Variants in TAX1BP1 observed in about 807,000 individuals in gnomAD.
TAX1BP1 encodes the protein Tax1 binding protein 1.
TAX1BP1 carries 62 observed loss-of-function variants against 97.7 expected under a neutral mutation model. The observed-to-expected ratio is 0.63, with a 90% confidence interval of 0.52 to 0.78. The LOEUF (loss-of-function observed/expected upper bound fraction) is 0.78, where lower values mean the gene tolerates loss of function less well. Ranked by LOEUF, TAX1BP1 falls within the 30% of genes least tolerant of loss-of-function variation. The probability of loss-of-function intolerance (pLI) is 0.00; values close to 1 mark genes in which losing one functional copy is unlikely to be tolerated. For missense variants in TAX1BP1, 867 were observed against 916.1 expected (o/e 0.95, Z 0.69); for synonymous variants, 340 against 304.2 (o/e 1.12, Z -1.23).
chr7:27,813,832 G>A (rs1583404159), intron 13 of TAX1BP1, among the ~76,000 whole-genome samples: 2 of 152,196 alleles, frequency 1.3e-5, no homozygotes, highest in African/African-American at 4.8e-5. Context: ...CATCCCATTA[G>A]TAACTACTTA....
At chr7:27,808,350 G>A (rs765256228) in intron 13 of TAX1BP1, among the ~76,000 whole-genome samples, 2 of 152,070 alleles carry the variant, frequency 1.3e-5, no homozygotes, top group Non-Finnish European at 2.9e-5. Context: ...TTTCTAATTA[G>A]ACTAGGAACC....
intron 1 of TAX1BP1, 31 bp from the exon 2 acceptor site, chr7:27,748,487 T>C (rs1787909078): frequency 1.4e-6 from 2 of 1,474,244 alleles, no homozygotes; most frequent in East Asian, 4.8e-5. Context: ...TTAGTTGGTA[T>C]AATTTAACTT....
At chr7:27,802,057 C>A (rs932463637) in intron 13 of TAX1BP1, among the ~76,000 whole-genome samples, 6 of 152,132 alleles carry the variant, frequency 3.9e-5, no homozygotes, top group African/African-American at 1.4e-4. Context: ...GTTTGGAGTT[C>A]AGAAGTGGAG....
At chr7:27,747,171 G>A (rs560462016) in intron 1 of TAX1BP1, among the ~76,000 whole-genome samples, 114 of 152,300 alleles carry the variant, frequency 7.5e-4, no homozygotes, top group African/African-American at 2.6e-3. Flanking sequence ...TCAAGCAAGT[G>A]CAGTCAGGAC....
At chr7:27,766,583 C>T (rs1427621211) in intron 4 of TAX1BP1, among the ~76,000 whole-genome samples, 2 of 152,000 alleles carry the variant, frequency 1.3e-5, no homozygotes, top group Admixed American at 6.5e-5. Flanking sequence ...TTCCCTAGGG[C>T]CTATCCTTAT....
In TAX1BP1 at chr7:27,785,552, G is replaced by T; in HGVS notation, c.852+63G>T. On this transcript the variant is annotated intron_variant, in intron 7 of 16. Transcript: ENST00000396319. ...CAAAAGAAATGACCCCAGAACTTAG[G>T]GGCTGTAGGTCAGCAATTTAGGAGC... 4 of 1,385,974 alleles carry T rather than the reference G, an allele frequency of 2.9e-6. No homozygotes were observed. In the South Asian group the frequency reaches 5.1e-5, roughly 18 times the overall value. The allele number at this position is 1,385,974 out of a possible 1,614,324, so 85.9% of individuals were successfully genotyped here. A position where few individuals can be genotyped will look rare whatever the true frequency, so the allele number is the denominator to read the frequency against.
At chr7:27,773,116 G>A (rs1389591203) in intron 5 of TAX1BP1, among the ~76,000 whole-genome samples, 2 of 152,126 alleles carry the variant, frequency 1.3e-5, no homozygotes, top group East Asian at 1.9e-4. Context: ...AAGCAGTATC[G>A]TCTGCATTTT....
At chr7:27,818,938 C>T (rs1334708798) in intron 15 of TAX1BP1, among the ~76,000 whole-genome samples, 2 of 152,084 alleles carry the variant, frequency 1.3e-5, no homozygotes, top group Non-Finnish European at 2.9e-5. Flanking sequence ...GTGGTCTTAG[C>T]CACCTGTCAA....
At chr7:27,817,326 A>G (rs1790812610) in intron 15 of TAX1BP1, among the ~76,000 whole-genome samples, 1 of 152,240 alleles carries the variant, frequency 6.6e-6, no homozygotes, top group Admixed American at 6.5e-5. Context: ...TAGTTATCAG[A>G]TAGTTTAATC....
chr7:27,792,127 C>T lies in TAX1BP1; in HGVS notation c.1160C>T (p.Thr387Met), dbSNP rs201012389. 53 of 1,613,976 alleles carry T rather than the reference C, an allele frequency of 3.3e-5. No individual in the cohort carries two copies. The highest frequency in any genetic ancestry group is 1.0e-4 in the Admixed American group (6 of 60,020). ...LSDAVNVRDR[T>M]MADLHTARLE... ...GATGCTGTCAACGTACGAGACAGAA[C>T]GATGGCAGACCTGCATACTGCACGC... Residue 387 changes from threonine (T) to methionine (M), a missense_variant, in exon 9 of 17, where the codon ACG (threonine) becomes ATG (methionine). Coordinates refer to ENST00000396319, the MANE Select transcript of TAX1BP1 (RefSeq NM_006024.7).
intron 12 of TAX1BP1, among the ~76,000 whole-genome samples, chr7:27,797,353 G>A (rs1464125900): frequency 6.6e-6 from 1 of 152,016 alleles, no homozygotes; most frequent in African/African-American, 2.4e-5. Context: ...AGCCTTCTTG[G>A]TGTAGTATTC....
At chr7:27,795,625 T>G (rs1363151620) in intron 11 of TAX1BP1, among the ~76,000 whole-genome samples, 1 of 152,180 alleles carries the variant, frequency 6.6e-6, no homozygotes, top group East Asian at 1.9e-4. Context: ...TGATCTCAGC[T>G]CCCTGCAGCC....
chr7:27,789,842 C>G (rs1293567970), intron 8 of TAX1BP1, among the ~76,000 whole-genome samples: 1 of 151,896 alleles, frequency 6.6e-6, no homozygotes, highest in Non-Finnish European at 1.5e-5. Context: ...AACAGATTGC[C>G]AGTGCAAACA....
intron 13 of TAX1BP1, among the ~76,000 whole-genome samples, chr7:27,810,323 T>C (rs1442490880): frequency 6.6e-6 from 1 of 152,130 alleles, no homozygotes; most frequent in East Asian, 1.9e-4. Context: ...TTTTCAGTCA[T>C]GGCAAGAGAT....
chr7:27,743,189 A>G (rs1251147343), intron 1 of TAX1BP1, among the ~76,000 whole-genome samples: 1 of 152,202 alleles, frequency 6.6e-6, no homozygotes, highest in African/African-American at 2.4e-5. Flanking sequence ...GGTGTAAAGG[A>G]TTCTGGAAAT....
At chr7:27,828,043 G>C (rs545480101) in intron 16 of TAX1BP1, among the ~76,000 whole-genome samples, 159 of 152,270 alleles carry the variant, frequency 1.0e-3, no homozygotes, top group African/African-American at 3.7e-3. Context: ...AATATTTACT[G>C]TTCCTAAAAT....
chr7:27,741,471 G>A (rs1195954307), intron 1 of TAX1BP1, among the ~76,000 whole-genome samples: 1 of 150,920 alleles, frequency 6.6e-6, no homozygotes, highest in Non-Finnish European at 1.5e-5. Flanking sequence ...AAAGAACATT[G>A]TAGTTTTTGT....
chr7:27,774,723 A>G (rs1040542152), intron 5 of TAX1BP1, among the ~76,000 whole-genome samples: 1 of 152,090 alleles, frequency 6.6e-6, no homozygotes, highest in Non-Finnish European at 1.5e-5. Flanking sequence ...ATGCATCTTT[A>G]GTGTTTTTCT....
At chr7:27,757,322 A>G (rs1447675188) in intron 2 of TAX1BP1, among the ~76,000 whole-genome samples, 1 of 152,138 alleles carries the variant, frequency 6.6e-6, no homozygotes, top group Non-Finnish European at 1.5e-5. Context: ...ATGTGTTAGC[A>G]TTAGGTGAGA....
Sources: allele counts gnomAD v4.1 joint callset (sites outside exome capture counted in the v4.1 genomes callset), GRCh38; gene constraint gnomAD v4.1.1; transcripts MANE v1.5; gene names NCBI Gene and HGNC (gene_info 2026-07-23, HGNC 2026-07-21).